The following ANKRD36C variants were observed in gnomAD, a reference collection of about 807,000 sequenced individuals.
ANKRD36C encodes ankyrin repeat domain 36C.
A neutral mutation model predicts 276.4 loss-of-function variants in ANKRD36C; 61 were observed. The ratio of observed to expected loss-of-function variants is 0.22; its 90% CI spans 0.18 to 0.27. The LOEUF (loss-of-function observed/expected upper bound fraction) is 0.27, where lower values mean the gene tolerates loss of function less well. ANKRD36C is among the 10% of genes least tolerant of loss of function. ANKRD36C has a pLI of 1.00. For synonymous variants in ANKRD36C, 483 were observed against 680.1 expected (o/e 0.71, Z 4.51); for missense variants, 1,447 against 2,032.3 (o/e 0.71, Z 5.54).
chr2:95,880,702 C>T (rs1008885813), intron 56 of ANKRD36C, 79 bp from the exon 77 acceptor site: 15 of 1,480,476 alleles, frequency 1.0e-5, no homozygotes, highest in Middle Eastern at 1.8e-4. Context: ...GTGTTAACAT[C>T]AAACTGAATA....
chr2:95,856,840 C>A (rs1044270405), intron 62 of ANKRD36C, among the ~76,000 whole-genome samples: 20 of 152,222 alleles, frequency 1.3e-4, no homozygotes, highest in Non-Finnish European at 2.2e-4. Flanking sequence ...ATTCCTAGTG[C>A]TCTTCCATCA....
intron 59 of ANKRD36C, among the ~76,000 whole-genome samples, chr2:95,876,138 G>A (rs978271394): frequency 3.3e-5 from 5 of 150,756 alleles, no homozygotes; most frequent in African/African-American, 7.3e-5. Context: ...GCTTAAAATT[G>A]TAATTCAATA....
chr2:95,859,567 A>G (rs1206246975), intron 61 of ANKRD36C, among the ~76,000 whole-genome samples: 1 of 152,190 alleles, frequency 6.6e-6, no homozygotes, highest in Non-Finnish European at 1.5e-5. Context: ...CATTATTACA[A>G]AAACTTTTTA....
intron 6 of ANKRD36C, among the ~76,000 whole-genome samples, chr2:95,963,986 T>TATATATAA (rs1678526285): frequency 1.6e-4 from 3 of 19,062 alleles, no homozygotes; most frequent in African/African-American, 3.3e-4. Context: ...TATATATATA[T>TATATATAA]ATATATATAT....
At chr2:95,949,122 A>C (rs913265953) in intron 16 of ANKRD36C, among the ~76,000 whole-genome samples, 4 of 152,190 alleles carry the variant, frequency 2.6e-5, no homozygotes, top group African/African-American at 4.8e-5. Flanking sequence ...AAGAGGGCCC[A>C]CTGATTCTCT....
At chr2:95,917,781 C>A in intron 36 of ANKRD36C, 74 bp downstream of exon 38, 2 of 1,522,994 alleles carry the variant, frequency 1.3e-6, no homozygotes, top group Non-Finnish European at 8.8e-7. Context: ...CCGCCCTCCG[C>A]TGATTTATTC....
In ANKRD36C at chr2:95,912,317, C is replaced by T; in HGVS notation, c.2581-1G>A. 6.3e-7 allele frequency: 1 copy of T among 1,585,942 alleles called. No individual in the cohort carries two copies. The highest frequency in any genetic ancestry group is 8.6e-7 in the Non-Finnish European group (1 of 1,167,478). ...AAGAATCTTTCTCATCACTTGTAGC[C>T]TGAATGGAATTTGAAACAAAATAAT... On this transcript the variant is annotated splice_acceptor_variant, in intron 41 of 66. Coordinates refer to ENST00000456556, the Ensembl canonical transcript of ANKRD36C. LOFTEE classifies it high-confidence loss of function.
At chr2:95,878,385 T>C (rs1357146394) in intron 58 of ANKRD36C, among the ~76,000 whole-genome samples, 2 of 152,290 alleles carry the variant, frequency 1.3e-5, no homozygotes, top group Admixed American at 6.5e-5. Context: ...TGATATACCA[T>C]GCTAATCTCT....
At chr2:95,943,325 TA>T (rs910225291) in intron 19 of ANKRD36C, among the ~76,000 whole-genome samples, 25 of 151,950 alleles carry the variant, frequency 1.6e-4, no homozygotes, top group African/African-American at 5.8e-4. Flanking sequence ...CTACTAAAAA[TA>T]TAAAAAAAAT....
intron 19 of ANKRD36C, among the ~76,000 whole-genome samples, chr2:95,943,545 A>C (rs1248324961): frequency 6.6e-6 from 1 of 150,624 alleles, no homozygotes; most frequent in East Asian, 1.9e-4. Context: ...ATTAATTTTT[A>C]TTATTTTTTA....
intron 1 of ANKRD36C, among the ~76,000 whole-genome samples, chr2:95,987,677 A>C (rs2104546211): frequency 7.7e-6 from 1 of 129,570 alleles, no homozygotes; most frequent in South Asian, 2.3e-4. Flanking sequence ...TGCGGACTGC[A>C]GTGGCGCAAT....
At chr2:95,861,118 C>G (rs1194789330) in intron 60 of ANKRD36C, among the ~76,000 whole-genome samples, 8 of 151,526 alleles carry the variant, frequency 5.3e-5, no homozygotes, top group Non-Finnish European at 8.8e-5. Context: ...AATCTAAAAG[C>G]AAGAATGGAA....
chr2:95,863,826 CA>C (rs2104278290), intron 60 of ANKRD36C, among the ~76,000 whole-genome samples: 1 of 152,184 alleles, frequency 6.6e-6, no homozygotes, highest in African/African-American at 2.4e-5. Flanking sequence ...GGGTAAGAGA[CA>C]GCAGGAAAAG....
chr2:95,948,581 C>T lies in ANKRD36C; in HGVS notation c.1311G>A (p.Leu437=), dbSNP rs1678115539. 4 of 1,535,554 alleles carry T rather than the reference C, an allele frequency of 2.6e-6. No homozygotes were observed. The East Asian group carries it at 7.3e-5, about 28-fold the overall frequency. ...TTGTCACAGCCTGTGCAAAACGGTC[C>T]AGTAGGTAGAGACACCTACAGAGCA... The change falls in exon 17 of 67, where the codon CTG becomes CTA. Residue 437 remains leucine (L), a synonymous_variant. Transcript: ENST00000456556.
chr2:95,917,912 C>G (rs1677150642), exon 36 of ANKRD36C: 2 of 1,606,986 alleles, frequency 1.2e-6, no homozygotes, highest in Non-Finnish European at 8.5e-7. Flanking sequence ...ACAGAATCTT[C>G]CTCGTCAGTT....
At chr2:95,941,569 C>CA (rs1325404993) in intron 19 of ANKRD36C, among the ~76,000 whole-genome samples, 1 of 150,894 alleles carries the variant, frequency 6.6e-6, no homozygotes, top group African/African-American at 2.4e-5. Context: ...GCAGCATGTG[C>CA]AAAAAAATGA....
chr2:95,975,490 G>A (rs1170069270), intron 6 of ANKRD36C, among the ~76,000 whole-genome samples: 6 of 152,066 alleles, frequency 3.9e-5, no homozygotes, highest in African/African-American at 7.2e-5. Flanking sequence ...TACAACTATC[G>A]ATCTTTGACA....
chr2:95,849,392 G>T (rs1275536631), downstream of ANKRD36C, among the ~76,000 whole-genome samples: 5 of 152,262 alleles, frequency 3.3e-5, no homozygotes, highest in South Asian at 2.1e-4. Context: ...TTAAAACTAG[G>T]TATTGATTTA....
At chr2:95,984,110 C>T (rs1195234272) in intron 3 of ANKRD36C, among the ~76,000 whole-genome samples, 1 of 151,524 alleles carries the variant, frequency 6.6e-6, no homozygotes, top group Non-Finnish European at 1.5e-5. Flanking sequence ...AAGTTCAACC[C>T]GATTACCAAA....
Sources: gnomAD v4.1 joint callset for allele counts (sites outside exome capture counted in the v4.1 genomes callset) on GRCh38, gnomAD v4.1.1 for gene constraint, MANE v1.5 for transcripts, NCBI Gene and HGNC (gene_info 2026-07-23, HGNC 2026-07-21) for gene names.